Variants in ADARB2 observed in about 807,000 individuals in gnomAD.
The protein encoded by ADARB2 is inactive double-stranded RNA-specific editase B2.
In ADARB2, 25 loss-of-function variants were observed where a neutral mutation model predicts 62.2. The ratio of observed to expected loss-of-function variants is 0.40; its 90% confidence interval spans 0.29 to 0.56. The LOEUF is 0.56. Among genes scored for constraint, ADARB2 ranks in the 20% least tolerant of loss-of-function variants. The probability of loss-of-function intolerance (pLI) is 0.43; values close to 1 mark genes in which losing one functional copy is unlikely to be tolerated. For missense variants in ADARB2, 1,071 were observed against 1,077.4 expected (o/e 0.99, Z 0.08); for synonymous variants, 572 against 500.8 (o/e 1.14, Z -1.90).
intron 3 of ADARB2, among the ~76,000 whole-genome samples, chr10:1,319,429 T>C (rs1831775576): frequency 6.6e-6 from 1 of 151,130 alleles, no homozygotes; most frequent in Non-Finnish European, 1.5e-5. Context: ...AGCTGACAGA[T>C]AGATCACCTG....
intron 3 of ADARB2, among the ~76,000 whole-genome samples, chr10:1,360,454 C>A (rs1805459976): frequency 6.6e-6 from 1 of 151,782 alleles, no homozygotes; most frequent in Non-Finnish European, 1.5e-5. Context: ...AGACGGGGGT[C>A]CATGAAGTAG....
At chr10:1,650,994 A>G (rs375188194) in intron 1 of ADARB2, among the ~76,000 whole-genome samples, 12 of 152,276 alleles carry the variant, frequency 7.9e-5, no homozygotes, top group African/African-American at 2.9e-4. Context: ...TATCTGAAGG[A>G]CACCAGAGAG....
chr10:1,205,940 T>G (rs1159414993), intron 7 of ADARB2, among the ~76,000 whole-genome samples: 1 of 143,274 alleles, frequency 7.0e-6, no homozygotes, highest in African/African-American at 2.7e-5. Flanking sequence ...CCCGCTGGGG[T>G]CAGGTGGGGT....
chr10:1,565,488 G>A (rs1338303888), intron 1 of ADARB2, among the ~76,000 whole-genome samples: 1 of 152,136 alleles, frequency 6.6e-6, no homozygotes, highest in Non-Finnish European at 1.5e-5. Flanking sequence ...GGAACTGAAA[G>A]TGTCCACAAG....
intron 7 of ADARB2, among the ~76,000 whole-genome samples, chr10:1,208,908 C>T (rs116995102): frequency 3.7e-4 from 57 of 152,230 alleles, no homozygotes; most frequent in Non-Finnish European, 6.3e-4. Flanking sequence ...TCTGCTGGGG[C>T]GCCCGGAGCC....
At chr10:1,220,204 A>C (rs1402248303) in intron 6 of ADARB2, among the ~76,000 whole-genome samples, 1 of 127,800 alleles carries the variant, frequency 7.8e-6, no homozygotes, top group Non-Finnish European at 1.6e-5. Flanking sequence ...GATGATGGTA[A>C]TGGTGGTGAT....
At chr10:1,691,451 CCTT>C (rs1302836215) in intron 1 of ADARB2, among the ~76,000 whole-genome samples, 1 of 152,134 alleles carries the variant, frequency 6.6e-6, no homozygotes, top group Non-Finnish European at 1.5e-5. Flanking sequence ...GAGTCTATGT[CCTT>C]CTTCTCTGCA....
chr10:1,694,632 A>T (rs1290927871), intron 1 of ADARB2, among the ~76,000 whole-genome samples: 2 of 152,262 alleles, frequency 1.3e-5, no homozygotes, highest in Non-Finnish European at 2.9e-5. Flanking sequence ...TAGAATAATT[A>T]ACAATCAACA....
Position 1,313,873 on chromosome 10 carries a change from G to A in ADARB2, c.1078-42804C>T, listed in dbSNP as rs61243825. 3.4e-3 allele frequency among the ~76,000 whole-genome samples: 520 copies of A among 152,308 alleles called. 4 individuals carry two copies. The highest frequency in any genetic ancestry group is 0.012 in the African/African-American group (497 of 41,570). The stretch of plus-strand genomic sequence containing the variant: ...GTGGCTGTGGGTCCTGCCTCCCAGC[G>A]TCCTCCTGCAGCCAGCTGGCAATGC... On this transcript the variant is annotated intron_variant, in intron 3 of 9. Transcript: ENST00000381312.
intron 1 of ADARB2, among the ~76,000 whole-genome samples, chr10:1,464,421 G>C (rs184759636): frequency 0.063 from 6,940 of 110,588 alleles, 925 homozygotes; most frequent in Middle Eastern, 0.21. Context: ...ACACGCGCGG[G>C]GGCCAGTCAC....
chr10:1,647,384 T>G (rs1053182214), intron 1 of ADARB2, among the ~76,000 whole-genome samples: 1 of 151,864 alleles, frequency 6.6e-6, no homozygotes, highest in African/African-American at 2.4e-5. Context: ...TATATATGTA[T>G]GCGTATACAT....
intron 1 of ADARB2, among the ~76,000 whole-genome samples, chr10:1,472,701 C>T (rs1236092779): frequency 6.6e-6 from 1 of 152,098 alleles, no homozygotes; most frequent in Non-Finnish European, 1.5e-5. Flanking sequence ...TCACTTTTTG[C>T]CTGTGTTAAG....
rs949862832 is a variant in ADARB2, at chr10:1,233,839, C to A, written c.1368G>T (p.Arg456=). 1 of 1,613,482 alleles carries A rather than the reference C, an allele frequency of 6.2e-7. No homozygotes were observed. Among genetic ancestry groups the A allele is most frequent in the Non-Finnish European group, 8.5e-7 (1 of 1,179,796 alleles). ...ATATCGATCGCTCTGAGTCCTCGCG[C>A]CGCTTGCTAGGGTCACAAAGAGGTT... ...YTQLELHLSK[R]REDSERSIFV... is the part of the protein sequence containing the mutation. Residue 456 remains arginine (R), a synonymous_variant, in exon 6 of 10, where the codon CGG becomes CGT. Transcript: ENST00000381312.
In ADARB2 at chr10:1,350,582, A is replaced by G. The variant is rs551128680; in HGVS notation, c.1077+12446T>C. On this transcript the variant is annotated intron_variant, in intron 3 of 9. Transcript: ENST00000381312. ...GGAGCTAAAGGCATAGTCAGGGTTA[A>G]TGCTCCTTTTCTTTACCCGACCTCT... 2.0e-5 allele frequency among the ~76,000 whole-genome samples: 3 copies of G among 152,108 alleles called. No individual in the cohort carries two copies. The South Asian group carries it at 6.2e-4, about 32-fold the overall frequency.
At chr10:1,562,954 C>G (rs1832805721) in intron 1 of ADARB2, among the ~76,000 whole-genome samples, 1 of 152,266 alleles carries the variant, frequency 6.6e-6, no homozygotes, top group Non-Finnish European at 1.5e-5. Flanking sequence ...TCCTTAATCT[C>G]TCAGCCAGAA....
intron 1 of ADARB2, among the ~76,000 whole-genome samples, chr10:1,507,773 AG>A (rs1450495966): frequency 1.3e-5 from 2 of 152,136 alleles, no homozygotes; most frequent in Non-Finnish European, 2.9e-5. Context: ...TGACTTCATT[AG>A]GCATACGCAG....
chr10:1,602,564 G>A (rs1359233010), intron 1 of ADARB2, among the ~76,000 whole-genome samples: 1 of 152,182 alleles, frequency 6.6e-6, no homozygotes, highest in East Asian at 1.9e-4. Flanking sequence ...CAGCCAGGGA[G>A]AGGCTATCCT....
intron 1 of ADARB2, among the ~76,000 whole-genome samples, chr10:1,574,276 G>A (rs954153869): frequency 1.3e-5 from 2 of 152,190 alleles, no homozygotes; most frequent in South Asian, 2.1e-4. Flanking sequence ...GACATGAGTC[G>A]AACCTGCATA....
intron 1 of ADARB2, among the ~76,000 whole-genome samples, chr10:1,690,728 C>T (rs1834658785): frequency 2.0e-5 from 3 of 152,160 alleles, no homozygotes; most frequent in African/African-American, 7.2e-5. Context: ...CTGACTGCAC[C>T]CCGTGGATGT....
Sources: gnomAD v4.1 joint callset for allele counts (sites outside exome capture counted in the v4.1 genomes callset) on GRCh38, gnomAD v4.1.1 for gene constraint, MANE v1.5 for transcripts, NCBI Gene and HGNC (gene_info 2026-07-23, HGNC 2026-07-21) for gene names.